The following LARS1 variants were observed in gnomAD, a reference collection of about 807,000 sequenced individuals.
LARS1 encodes the protein leucine--tRNA ligase, cytoplasmic.
Under a neutral mutation model 162.8 loss-of-function variants are expected in LARS1, and 100 were observed. The observed-to-expected ratio is 0.61, with a 90% confidence interval of 0.52 to 0.73. The LOEUF (loss-of-function observed/expected upper bound fraction) is 0.73, where lower values mean the gene tolerates loss of function less well. Among genes scored for constraint, LARS1 ranks in the 30% least tolerant of loss-of-function variants. The pLI is 0.00. For synonymous variants in LARS1, 457 were observed against 462.8 expected (o/e 0.99, Z 0.16); for missense variants, 1,258 against 1,408.9 (o/e 0.89, Z 1.71).
At chr5:146,146,017 G>C (rs1168500859) in intron 15 of LARS1, among the ~76,000 whole-genome samples, 1 of 152,186 alleles carries the variant, frequency 6.6e-6, no homozygotes, top group Admixed American at 6.5e-5. Context: ...CTCAGAAATT[G>C]GTGGCATTAA....
intron 6 of LARS1, among the ~76,000 whole-genome samples, chr5:146,163,223 A>AGAATT (rs1191510639): frequency 6.6e-6 from 1 of 152,214 alleles, no homozygotes; most frequent in Non-Finnish European, 1.5e-5. Context: ...CAGCCTTTAC[A>AGAATT]GAATTGAAGA....
chr5:146,132,747 C>T, intron 23 of LARS1, 151 bp downstream of exon 23: 1 of 585,476 alleles, frequency 1.7e-6, no homozygotes, highest in Non-Finnish European at 2.9e-6. Context: ...AGCATAGTAC[C>T]CGGCACAAGT....
intron 10 of LARS1, among the ~76,000 whole-genome samples, chr5:146,157,057 A>G (rs556764787): frequency 6.6e-6 from 1 of 152,328 alleles, no homozygotes; most frequent in East Asian, 1.9e-4. Flanking sequence ...AAGAAGCTAG[A>G]CACAAAACAG....
chr5:146,157,290 T>C lies in LARS1; in HGVS notation c.1065+113A>G, dbSNP rs944945596. 18 of 854,592 alleles carry C rather than the reference T, an allele frequency of 2.1e-5. No individual in the cohort carries two copies. In the South Asian group the frequency reaches 2.7e-4, roughly 13 times the overall value. 52.9% of individuals were successfully genotyped at this position (854,592 alleles called of 1,614,324 possible). A position where few individuals can be genotyped will look rare whatever the true frequency, so the allele number is the denominator to read the frequency against. On this transcript the variant is annotated intron_variant, in intron 10 of 31. Transcript: ENST00000394434. Reference sequence around the variant, plus strand: ...CAAAACACACAAGACTTACACAGTTTACTGCATGTACACCTCATTTTTTAA... The same window carrying C: ...CAAAACACACAAGACTTACACAGTTCACTGCATGTACACCTCATTTTTTAA...
intron 31 of LARS1, 84 bp downstream of exon 31, chr5:146,120,287 C>A: frequency 2.1e-6 from 3 of 1,406,404 alleles, no homozygotes. Flanking sequence ...ATAAGCAAGC[C>A]GGTTTCTTTT....
intron 6 of LARS1, among the ~76,000 whole-genome samples, chr5:146,161,708 A>G (rs1407877750): frequency 1.3e-4 from 20 of 151,076 alleles, no homozygotes. Flanking sequence ...AGTCGATATC[A>G]TGCCATTGCA....
chr5:146,143,282 A>G (rs1042306194), intron 19 of LARS1, 130 bp downstream of exon 19: 4 of 1,227,712 alleles, frequency 3.3e-6, no homozygotes, highest in South Asian at 1.6e-5. Flanking sequence ...TCCCAGTTCA[A>G]TAGTAAAAAA....
intron 14 of LARS1, 94 bp from the exon 15 acceptor site, chr5:146,149,793 G>T (rs992029346): frequency 1.2e-4 from 100 of 835,574 alleles, no homozygotes; most frequent in Non-Finnish European, 1.7e-4. Context: ...ATTTGCTTCT[G>T]CCCACCGAAA....
intron 24 of LARS1, chr5:146,130,424 A>C: frequency 2.3e-6 from 1 of 443,232 alleles, no homozygotes; most frequent in East Asian, 4.8e-5. Flanking sequence ...GAACAACTTT[A>C]ACTGTATATT....
chr5:146,159,268 T>C (rs1336858352), intron 8 of LARS1, 139 bp downstream of exon 8: 7 of 596,012 alleles, frequency 1.2e-5, no homozygotes, highest in African/African-American at 1.9e-5. Context: ...TGATATTCTA[T>C]CTCCTCTTCA....
intron 21 of LARS1, among the ~76,000 whole-genome samples, chr5:146,137,277 A>T (rs1016578810): frequency 2.6e-5 from 4 of 152,208 alleles, no homozygotes; most frequent in African/African-American, 9.7e-5. Context: ...GTTACAGCAA[A>T]ATTCACTGGT....
chr5:146,153,713 A>G (rs1215585510), intron 12 of LARS1, 21 bp downstream of exon 12: 2 of 1,598,436 alleles, frequency 1.3e-6, no homozygotes, highest in Non-Finnish European at 1.7e-6. Context: ...CGAAATACAA[A>G]CATGAAACTC....
chr5:146,144,375 T>C (rs376876457), intron 17 of LARS1, 26 bp from the exon 18 acceptor site: 59 of 1,597,676 alleles, frequency 3.7e-5, no homozygotes, highest in Non-Finnish European at 4.6e-5. Context: ...AGACAAAGTG[T>C]ATCTTTACTG....
At chr5:146,153,566 A>T (rs1312828129) in intron 12 of LARS1, among the ~76,000 whole-genome samples, 168 bp downstream of exon 12, 1 of 149,046 alleles carries the variant, frequency 6.7e-6, no homozygotes, top group African/African-American at 2.4e-5. Flanking sequence ...CTGTGAACAT[A>T]TTTAAAATTC....
At chr5:146,160,292 T>G (rs753667324) in intron 7 of LARS1, 82 bp downstream of exon 7, 35 of 705,528 alleles carry the variant, frequency 5.0e-5, no homozygotes, top group Non-Finnish European at 7.5e-5. Flanking sequence ...CACCTCAGTT[T>G]CCCAAAGCAC....
rs879737011 is a variant in LARS1, at chr5:146,175,243, TAAAA to T, written c.125+2300_125+2303del. Among the ~76,000 whole-genome samples the T allele has an allele frequency of 2.4e-5, 3 of 126,360 alleles. No individual in the cohort carries two copies. In the South Asian group the frequency reaches 7.4e-4, roughly 31 times the overall value. The allele number at this position is 126,360 out of a possible 152,430, so 82.9% of individuals were successfully genotyped here. A position where few individuals can be genotyped will look rare whatever the true frequency, so the allele number is the denominator to read the frequency against. ...GACACCACAGACTCTGTCTCCAAAT[TAAAA>T]AAAAAAAAAAGATAATGGGCGGGCA... On this transcript the variant is annotated intron_variant, in intron 2 of 31. Coordinates refer to ENST00000394434, the MANE Select transcript of LARS1 (RefSeq NM_020117.11).
At chr5:146,126,573 G>GTAGAAAAAAAAGTCTC (rs765590756) in intron 27 of LARS1, 28 bp from the exon 28 acceptor site, 3 of 1,513,258 alleles carry the variant, frequency 2.0e-6, no homozygotes, top group Non-Finnish European at 2.8e-6. Flanking sequence ...GGAGAGTAAT[G>GTAGAAAAAAAAGTCTC]TAGAAAAAAA....
chr5:146,181,848 C>CTTTTTTTTTTTTTTTTTTTTTTTT (rs34658033), intron 1 of LARS1, among the ~76,000 whole-genome samples: 1 of 53,030 alleles, frequency 1.9e-5, no homozygotes. Context: ...TCAATTTTTT[C>CTTTTTTTTTTTTTTTTTTTTTTTT]TTTTTTTTTT....
intron 1 of LARS1, 88 bp downstream of exon 1, chr5:146,182,399 CT>C (rs1192307141): frequency 6.4e-7 from 1 of 1,552,246 alleles, no homozygotes; most frequent in African/African-American, 1.4e-5. Flanking sequence ...TAGAAAAGGA[CT>C]TTCCCTTCAG....
Sources: allele counts gnomAD v4.1 joint callset (sites outside exome capture counted in the v4.1 genomes callset), GRCh38; gene constraint gnomAD v4.1.1; transcripts MANE v1.5; gene names NCBI Gene and HGNC (gene_info 2026-07-23, HGNC 2026-07-21).